Variants in TNFRSF10D observed in about 807,000 individuals in gnomAD.
The protein encoded by TNFRSF10D is tumor necrosis factor receptor superfamily member 10D.
A neutral mutation model predicts 42.1 loss-of-function variants in TNFRSF10D; 28 were observed. The ratio of observed to expected loss-of-function variants is 0.66; its 90% CI spans 0.49 to 0.91. The LOEUF (loss-of-function observed/expected upper bound fraction) is 0.91. TNFRSF10D is among the 40% of genes least tolerant of loss of function. The pLI is 0.00. For synonymous variants in TNFRSF10D, 186 were observed against 189.4 expected (o/e 0.98, Z 0.15); for missense variants, 503 against 486.1 (o/e 1.03, Z -0.33).
At chr8:23,146,454 G>A (rs1158736293) in intron 4 of TNFRSF10D, among the ~76,000 whole-genome samples, 3 of 152,186 alleles carry the variant, frequency 2.0e-5, no homozygotes, top group Non-Finnish European at 4.4e-5. Flanking sequence ...GGCTGGGTGG[G>A]CTCAGGTCCT....
At chr8:23,160,613 C>G (rs923873982) in intron 1 of TNFRSF10D, among the ~76,000 whole-genome samples, 2 of 151,974 alleles carry the variant, frequency 1.3e-5, no homozygotes, top group Non-Finnish European at 2.9e-5. Flanking sequence ...GATGTACACT[C>G]TCTGGCTGGG....
At position 23,136,281 on chromosome 8, in the gene TNFRSF10D, A is replaced by G. The variant is rs193082737; in HGVS notation, c.*1589T>C. 5.8e-3 allele frequency: 1,388 copies of G among 240,048 alleles called. 1 individual carries two copies. The highest frequency in any genetic ancestry group is 0.02 in the African/African-American group (889 of 43,590). The allele number at this position is 240,048 out of a possible 1,614,324, so 14.9% of individuals were successfully genotyped here. ...AGGACAAATGTGTCAGCCATTTTAG[A>G]TCCTGTTGTCACAGTGTTTAAGAAT... On this transcript the variant is annotated 3_prime_UTR_variant, in exon 9 of 9. Coordinates refer to ENST00000312584, the MANE Select transcript of TNFRSF10D (RefSeq NM_003840.5).
At chr8:23,138,596 G>A (rs1308944304) in intron 7 of TNFRSF10D, among the ~76,000 whole-genome samples, 2 of 151,878 alleles carry the variant, frequency 1.3e-5, no homozygotes, top group African/African-American at 4.8e-5. Context: ...ACCCTCACAA[G>A]AAATGATCAC....
intron 2 of TNFRSF10D, among the ~76,000 whole-genome samples, chr8:23,149,462 C>A (rs1800186056): frequency 6.6e-6 from 1 of 151,846 alleles, no homozygotes; most frequent in South Asian, 2.1e-4. Flanking sequence ...TGGTCTCCAA[C>A]TCCTGACCTC....
At chr8:23,146,849 G>A in intron 4 of TNFRSF10D, 112 bp downstream of exon 4, 1 of 888,446 alleles carries the variant, frequency 1.1e-6, no homozygotes, top group Non-Finnish European at 1.8e-6. Context: ...CAGGCTCAGG[G>A]AGGCCTCGGG....
intron 1 of TNFRSF10D, among the ~76,000 whole-genome samples, chr8:23,158,096 T>A (rs935659499): frequency 1.3e-5 from 2 of 152,250 alleles, no homozygotes; most frequent in African/African-American, 2.4e-5. Context: ...TCAAGTCACC[T>A]GCTCGGCCAT....
rs1197128151 is a variant in TNFRSF10D, at chr8:23,154,986, G to C, written c.151-7C>G. ...TGGCAGAGTCAACCCGGACCTGTGG[G>C]GACAAGGCAGAGATGGGCTTGAGTG... On this transcript the variant is annotated splice_region_variant and splice_polypyrimidine_tract_variant and intron_variant, in intron 1 of 8. Transcript: ENST00000312584. 6.2e-7 allele frequency: 1 copy of C among 1,602,738 alleles called. No individual in the cohort carries two copies. The highest frequency in any genetic ancestry group is 8.5e-7 in the Non-Finnish European group (1 of 1,175,302).
chr8:23,152,182 G>C (rs1189372789), intron 2 of TNFRSF10D, among the ~76,000 whole-genome samples: 1 of 152,222 alleles, frequency 6.6e-6, no homozygotes, highest in Non-Finnish European at 1.5e-5. Context: ...GGAAAACACA[G>C]AGGAAGCAAC....
At chr8:23,146,128 T>C (rs1240903030) in intron 4 of TNFRSF10D, among the ~76,000 whole-genome samples, 1 of 152,218 alleles carries the variant, frequency 6.6e-6, no homozygotes, top group Non-Finnish European at 1.5e-5. Flanking sequence ...GCCTCCCTGC[T>C]CTGGGGTCAG....
In TNFRSF10D at chr8:23,163,991, T is replaced by A. The variant is rs1466638782; in HGVS notation, c.-56A>T. 604 of 1,500,596 alleles carry A rather than the reference T, an allele frequency of 4.0e-4. No homozygotes were observed. The African/African-American group carries it at 7.3e-3, about 18-fold the overall frequency. 93.0% of individuals were successfully genotyped at this position (1,500,596 alleles called of 1,614,324 possible). A position where few individuals can be genotyped will look rare whatever the true frequency, so the allele number is the denominator to read the frequency against. On this transcript the variant is annotated 5_prime_UTR_variant, in exon 1 of 9. Coordinates refer to ENST00000312584, the MANE Select transcript of TNFRSF10D (RefSeq NM_003840.5). Reference sequence around the variant, plus strand: ...AAAAATCAATCAGAAATCGTCCCCGTAGTTTGTGCGCGTGCAAAGGTTCTC... The same window carrying A: ...AAAAATCAATCAGAAATCGTCCCCGAAGTTTGTGCGCGTGCAAAGGTTCTC...
chr8:23,152,372 T>C (rs181369363), intron 2 of TNFRSF10D, among the ~76,000 whole-genome samples: 3 of 152,266 alleles, frequency 2.0e-5, no homozygotes, highest in African/African-American at 7.2e-5. Context: ...TTTATAAAGA[T>C]CCATGGGCAT....
intron 1 of TNFRSF10D, among the ~76,000 whole-genome samples, chr8:23,157,767 T>C (rs1800301567): frequency 6.6e-6 from 1 of 152,238 alleles, no homozygotes; most frequent in Non-Finnish European, 1.5e-5. Context: ...AGGGTCCCTT[T>C]TGAGCTCCCA....
intron 1 of TNFRSF10D, among the ~76,000 whole-genome samples, chr8:23,162,371 C>T (rs974103852): frequency 6.6e-6 from 1 of 152,208 alleles, no homozygotes; most frequent in African/African-American, 2.4e-5. Context: ...TAGGTCCACC[C>T]ACTATAAACT....
chr8:23,148,341 T>C lies in TNFRSF10D; in HGVS notation c.370+97A>G, dbSNP rs550855042. The C allele has an allele frequency of 1.9e-3, 1,502 of 772,280 alleles. 7 individuals are homozygous for C. Among genetic ancestry groups the C allele is most frequent in the Non-Finnish European group, 2.7e-3 (1,263 of 466,216 alleles). 47.8% of individuals were successfully genotyped at this position (772,280 alleles called of 1,614,324 possible). ...ACAGGGCATGATGAAGACTACCAAG[T>C]TGGGCTAGAACTTGGTTCCCCGACT... is the stretch of plus-strand genomic sequence containing the variant. On this transcript the variant is annotated intron_variant, in intron 3 of 8. Transcript: ENST00000312584.
chr8:23,160,849 G>A (rs947935995), intron 1 of TNFRSF10D, among the ~76,000 whole-genome samples: 6 of 152,204 alleles, frequency 3.9e-5, no homozygotes, highest in Non-Finnish European at 8.8e-5. Flanking sequence ...AACCCGGGCC[G>A]GACACCCACC....
intron 7 of TNFRSF10D, among the ~76,000 whole-genome samples, 190 bp from the exon 8 acceptor site, chr8:23,138,450 C>G (rs1036795963): frequency 2.0e-5 from 3 of 152,212 alleles, no homozygotes; most frequent in African/African-American, 7.2e-5. Context: ...ACATAAGTGA[C>G]ATGCAGTAAA....
chr8:23,159,000 CT>C, intron 1 of TNFRSF10D, among the ~76,000 whole-genome samples: 1 of 152,212 alleles, frequency 6.6e-6, no homozygotes, highest in East Asian at 1.9e-4. Context: ...GCTTCTTCTG[CT>C]TTTTATCACA....
Position 23,135,921 on chromosome 8 carries a change from C to G in TNFRSF10D, c.*1949G>C. 1 of 449,654 alleles carries G rather than the reference C, an allele frequency of 2.2e-6. No homozygotes were observed. The highest frequency in any genetic ancestry group is 4.5e-6 in the Non-Finnish European group (1 of 224,464). 27.9% of individuals were successfully genotyped at this position (449,654 alleles called of 1,614,324 possible). A position where few individuals can be genotyped will look rare whatever the true frequency, so the allele number is the denominator to read the frequency against. On this transcript the variant is annotated 3_prime_UTR_variant, in exon 9 of 9. Transcript: ENST00000312584. ...GGCAAAGACTAGGAGGCAGCAGCAC[C>G]CTGTGTCATCCAGAAGTGCAGGGGA... is the stretch of plus-strand genomic sequence containing the variant.
chr8:23,148,791 A>C (rs1442395510), intron 2 of TNFRSF10D, among the ~76,000 whole-genome samples: 4 of 150,006 alleles, frequency 2.7e-5, no homozygotes, highest in Admixed American at 2.0e-4. Flanking sequence ...AGCCACATTA[A>C]AATAGTACAA....
Sources: allele counts gnomAD v4.1 joint callset (sites outside exome capture counted in the v4.1 genomes callset), GRCh38; gene constraint gnomAD v4.1.1; transcripts MANE v1.5; gene names NCBI Gene and HGNC (gene_info 2026-07-23, HGNC 2026-07-21).